The following PTPRD variants were observed in gnomAD, a reference collection of about 807,000 sequenced individuals.
PTPRD encodes the protein protein tyrosine phosphatase receptor type D, also known as receptor-type tyrosine-protein phosphatase delta.
Under a neutral mutation model 214.5 loss-of-function variants are expected in PTPRD, and 34 were observed. The ratio of observed to expected loss-of-function variants is 0.16; its 90% CI spans 0.12 to 0.21. PTPRD has a LOEUF of 0.21. PTPRD is among the 10% of genes least tolerant of loss of function. The pLI is 1.00. For missense variants in PTPRD, 2,545 were observed against 2,398.7 expected (o/e 1.06, Z -1.27); for synonymous variants, 1,128 against 845.7 (o/e 1.33, Z -5.79).
At chr9:8,760,784 C>T (rs2094365109) in intron 11 of PTPRD, among the ~76,000 whole-genome samples, 1 of 151,932 alleles carries the variant, frequency 6.6e-6, no homozygotes, top group Admixed American at 6.6e-5. Flanking sequence ...GGAGATCTGG[C>T]TTCCCACAAG....
rs71321214 is a variant in PTPRD, at chr9:10,018,538, C to CTTTTTTTTT, written c.-472+15171_-472+15179dup. On this transcript the variant is annotated intron_variant, in intron 4 of 45. Coordinates refer to ENST00000381196, the MANE Select transcript of PTPRD (RefSeq NM_002839.4). ...AATGATTTATTTAAGAATTACATTT[C>CTTTTTTTTT]TTTTTTTTTTTTTTTTTTTTTTTTT... Among the ~76,000 whole-genome samples, 243 of 71,114 alleles carry CTTTTTTTTT rather than the reference C, an allele frequency of 3.4e-3. 67 individuals are homozygous for CTTTTTTTTT. Among genetic ancestry groups the CTTTTTTTTT allele is most frequent in the Middle Eastern group, 0.022 (2 of 90 alleles). 46.7% of individuals were successfully genotyped at this position (71,114 alleles called of 152,430 possible).
At chr9:9,819,272 A>C (rs1296954049) in intron 5 of PTPRD, among the ~76,000 whole-genome samples, 2 of 152,052 alleles carry the variant, frequency 1.3e-5, no homozygotes, top group Non-Finnish European at 2.9e-5. Context: ...GGTCTCTATA[A>C]CGATTTATTA....
chr9:10,338,405 A>G (rs1206113785), intron 3 of PTPRD, among the ~76,000 whole-genome samples: 2 of 151,778 alleles, frequency 1.3e-5, no homozygotes, highest in Admixed American at 6.6e-5. Flanking sequence ...ACGCAGACAA[A>G]TGAAACTGAC....
rs987006204 is a variant in PTPRD at position 8,560,482 on chromosome 9, C to A, written c.353-31703G>T. Among the ~76,000 whole-genome samples, 61 of 150,372 alleles carry A rather than the reference C, an allele frequency of 4.1e-4. 1 individual carries two copies. Among genetic ancestry groups the A allele is most frequent in the African/African-American group, 1.5e-3 (60 of 40,504 alleles). On this transcript the variant is annotated intron_variant, in intron 14 of 45. Coordinates refer to ENST00000381196, the MANE Select transcript of PTPRD (RefSeq NM_002839.4). ...ACACACACACACACACATATATACACTGTTTCATTGTCAAGGCTCTTTCAT... is the reference window on the plus strand; with the variant it reads ...ACACACACACACACACATATATACAATGTTTCATTGTCAAGGCTCTTTCAT...
chr9:8,817,523 T>G (rs1190921138), intron 11 of PTPRD, among the ~76,000 whole-genome samples: 1 of 152,046 alleles, frequency 6.6e-6, no homozygotes, highest in East Asian at 1.9e-4. Context: ...GCCAGCTCCT[T>G]GGGAGGCTGA....
intron 4 of PTPRD, among the ~76,000 whole-genome samples, chr9:9,992,215 G>T (rs1025067386): frequency 3.9e-5 from 6 of 152,084 alleles, no homozygotes; most frequent in African/African-American, 1.4e-4. Flanking sequence ...TGAATTGTGT[G>T]TTTTCAATGA....
chr9:8,378,859 TG>T lies in PTPRD; in HGVS notation c.4387-2134del, dbSNP rs1335686004. ...GAGAAGGCAACCTTCATACAACTTT[TG>T]GAAAAATGACTCTCCATCTACAAAT... On this transcript the variant is annotated intron_variant, in intron 37 of 45. Transcript: ENST00000381196. 3.3e-5 allele frequency among the ~76,000 whole-genome samples: 5 copies of T among 152,188 alleles called. No homozygotes were observed. The East Asian group carries it at 9.7e-4, about 29-fold the overall frequency.
chr9:10,201,631 T>C (rs1329748454), intron 3 of PTPRD, among the ~76,000 whole-genome samples: 2 of 151,964 alleles, frequency 1.3e-5, no homozygotes, highest in Non-Finnish European at 2.9e-5. Context: ...ATCTGTTTTA[T>C]TTCTTGATAG....
At chr9:9,640,688 A>G (rs151155290) in intron 7 of PTPRD, among the ~76,000 whole-genome samples, 77 of 152,372 alleles carry the variant, frequency 5.1e-4, no homozygotes, top group African/African-American at 1.8e-3. Flanking sequence ...AAATGGACCA[A>G]TCATCAGAAT....
At chr9:10,278,964 C>T (rs552075680) in intron 3 of PTPRD, among the ~76,000 whole-genome samples, 3 of 152,072 alleles carry the variant, frequency 2.0e-5, no homozygotes, top group African/African-American at 4.8e-5. Context: ...TTAGTAGAGA[C>T]GGGGCTTCAC....
chr9:9,245,166 G>A (rs1185706561), intron 9 of PTPRD, among the ~76,000 whole-genome samples: 1 of 152,090 alleles, frequency 6.6e-6, no homozygotes, highest in African/African-American at 2.4e-5. Context: ...TGGAGAAATA[G>A]GAACACTTTT....
At chr9:9,630,118 G>T (rs1218320608) in intron 7 of PTPRD, among the ~76,000 whole-genome samples, 1 of 152,146 alleles carries the variant, frequency 6.6e-6, no homozygotes, top group East Asian at 1.9e-4. Context: ...CATGCATTAG[G>T]GGAGATGTGC....
intron 4 of PTPRD, among the ~76,000 whole-genome samples, chr9:9,945,498 G>A (rs1586726562): frequency 6.6e-6 from 1 of 152,082 alleles, no homozygotes; most frequent in African/African-American, 2.4e-5. Context: ...CAGAGAGTGG[G>A]GTCCCAGAAG....
At chr9:9,966,557 A>G (rs184287167) in intron 4 of PTPRD, among the ~76,000 whole-genome samples, 203 of 152,258 alleles carry the variant, frequency 1.3e-3, no homozygotes, top group African/African-American at 3.7e-3. Context: ...AAAGATTACA[A>G]ATCATTTTAA....
At chr9:8,380,703 T>A (rs1412304911) in intron 37 of PTPRD, among the ~76,000 whole-genome samples, 1 of 152,184 alleles carries the variant, frequency 6.6e-6, no homozygotes, top group Non-Finnish European at 1.5e-5. Context: ...ACTCTTGTCA[T>A]TGCAAATATC....
chr9:9,354,130 T>C (rs551719399), intron 9 of PTPRD, among the ~76,000 whole-genome samples: 2 of 151,840 alleles, frequency 1.3e-5, no homozygotes, highest in East Asian at 2.0e-4. Context: ...AACTCACTTT[T>C]AGGAAGTGCA....
At chr9:10,556,250 A>C (rs2131330038) in intron 2 of PTPRD, among the ~76,000 whole-genome samples, 1 of 152,216 alleles carries the variant, frequency 6.6e-6, no homozygotes, top group Middle Eastern at 3.4e-3. Flanking sequence ...TCAATATAAT[A>C]GCTATACAAA....
At chr9:8,463,938 T>C (rs1489149431) in intron 32 of PTPRD, among the ~76,000 whole-genome samples, 1 of 151,814 alleles carries the variant, frequency 6.6e-6, no homozygotes, top group Non-Finnish European at 1.5e-5. Flanking sequence ...TTATGATATA[T>C]AAAGAAAATA....
intron 5 of PTPRD, among the ~76,000 whole-genome samples, chr9:9,773,848 GA>G (rs917704212): frequency 6.0e-5 from 9 of 150,858 alleles, no homozygotes; most frequent in East Asian, 3.9e-4. Flanking sequence ...AAATCTTGGG[GA>G]AAAAAAAAGA....
Sources: gnomAD v4.1 joint callset for allele counts (sites outside exome capture counted in the v4.1 genomes callset) on GRCh38, gnomAD v4.1.1 for gene constraint, MANE v1.5 for transcripts, NCBI Gene and HGNC (gene_info 2026-07-23, HGNC 2026-07-21) for gene names.